Variants in TEC observed in about 807,000 individuals in gnomAD.
TEC encodes tec protein tyrosine kinase, also known as tyrosine-protein kinase Tec.
Under a neutral mutation model 93.0 loss-of-function variants are expected in TEC, and 72 were observed. The ratio of observed to expected loss-of-function variants is 0.77; its 90% confidence interval spans 0.64 to 0.94. TEC has a LOEUF of 0.94. TEC is among the 40% of genes least tolerant of loss of function. The pLI, the probability that TEC is intolerant of heterozygous loss-of-function variation, is 0.00. For synonymous variants in TEC, 249 were observed against 247.7 expected, an observed-to-expected ratio of 1.01 and a Z score of -0.05; for missense variants, 630 against 757.9, an observed-to-expected ratio of 0.83 and a Z score of 1.98.
intron 9 of TEC, among the ~76,000 whole-genome samples, chr4:48,152,142 G>C (rs1048542787): frequency 3.9e-5 from 6 of 152,074 alleles, no homozygotes; most frequent in South Asian, 2.1e-4. Flanking sequence ...AAGTATAACA[G>C]AGGCCGGACA....
At chr4:48,164,959 C>T (rs552181754) in intron 7 of TEC, among the ~76,000 whole-genome samples, 35 of 152,068 alleles carry the variant, frequency 2.3e-4, no homozygotes, top group African/African-American at 7.2e-4. Context: ...GCCGAGATCA[C>T]GCCACTGCAC....
intron 2 of TEC, among the ~76,000 whole-genome samples, chr4:48,227,351 A>G (rs1183934643): frequency 6.6e-6 from 1 of 152,122 alleles, no homozygotes. Context: ...CAGAATGAAA[A>G]CTAAACCAGG....
At chr4:48,155,037 G>A (rs767499459) in intron 9 of TEC, among the ~76,000 whole-genome samples, 2 of 152,178 alleles carry the variant, frequency 1.3e-5, no homozygotes, top group Non-Finnish European at 2.9e-5. Flanking sequence ...ACCCCCTACT[G>A]GGAACCTAAA....
intron 1 of TEC, among the ~76,000 whole-genome samples, chr4:48,258,291 G>A (rs771480847): frequency 6.6e-6 from 1 of 151,790 alleles, no homozygotes; most frequent in Middle Eastern, 3.2e-3. Flanking sequence ...ACAGGCATGC[G>A]CCACCACACC....
intron 1 of TEC, among the ~76,000 whole-genome samples, chr4:48,242,700 T>A (rs1723950451): frequency 6.6e-6 from 1 of 152,224 alleles, no homozygotes; most frequent in South Asian, 2.1e-4. Flanking sequence ...TCTTTTTTTC[T>A]GAGGGGGACC....
At chr4:48,141,649 A>T in intron 14 of TEC, 1 of 434,772 alleles carries the variant, frequency 2.3e-6, no homozygotes, top group Non-Finnish European at 4.0e-6. Flanking sequence ...ATTATTACAT[A>T]ATCTTTACCA....
At position 48,139,016 on chromosome 4, in the gene TEC, A is replaced by C; in HGVS notation, c.1542T>G (p.Val514=). 6.2e-7 allele frequency: 1 copy of C among 1,612,934 alleles called. No homozygotes were observed. Residue 514 remains valine (V), a synonymous_variant, in exon 16 of 18, where the codon GTT becomes GTG. Transcript: ENST00000381501. Reference sequence around the variant, plus strand: ...AAGAACTTGTGTACTGATCATCCAGAACATACCTAGAGTAAGACACACCAT... The same window carrying C: ...AAGAACTTGTGTACTGATCATCCAGCACATACCTAGAGTAAGACACACCAT... ...KVSDFGMARY[V]LDDQYTSSSG...
chr4:48,205,615 T>C (rs562453756), intron 2 of TEC, among the ~76,000 whole-genome samples: 1 of 152,246 alleles, frequency 6.6e-6, no homozygotes, highest in South Asian at 2.1e-4. Flanking sequence ...TCAATGGTAT[T>C]AGCCATAGGG....
intron 14 of TEC, among the ~76,000 whole-genome samples, chr4:48,143,182 C>T (rs1719758278): frequency 6.6e-6 from 1 of 152,180 alleles, no homozygotes; most frequent in Non-Finnish European, 1.5e-5. Context: ...TTCACAACTC[C>T]ACAATGCCTG....
At chr4:48,150,996 C>T in intron 9 of TEC, 54 bp from the exon 10 acceptor site, 1 of 1,138,964 alleles carries the variant, frequency 8.8e-7, no homozygotes. Flanking sequence ...AATAGCATTG[C>T]CATGGAGAAG....
intron 1 of TEC, among the ~76,000 whole-genome samples, chr4:48,235,874 A>C (rs994492150): frequency 1.2e-4 from 18 of 152,224 alleles, no homozygotes; most frequent in African/African-American, 4.3e-4. Flanking sequence ...AGTATGTACT[A>C]GTACTGTCTA....
chr4:48,241,959 G>A (rs1723933072), intron 1 of TEC, among the ~76,000 whole-genome samples: 1 of 152,208 alleles, frequency 6.6e-6, no homozygotes, highest in Admixed American at 6.5e-5. Context: ...GAGGCACTAA[G>A]GTGGTTAACA....
chr4:48,265,095 A>C (rs1209873897), intron 1 of TEC, among the ~76,000 whole-genome samples: 1 of 152,150 alleles, frequency 6.6e-6, no homozygotes, highest in East Asian at 1.9e-4. Flanking sequence ...GGAAGGAAAA[A>C]AAGTTGCTCC....
At chr4:48,180,481 T>C (rs965185477) in intron 2 of TEC, among the ~76,000 whole-genome samples, 1 of 152,154 alleles carries the variant, frequency 6.6e-6, no homozygotes, top group Admixed American at 6.5e-5. Context: ...CAATGTTCTC[T>C]TGTGGTATCC....
chr4:48,153,425 C>G (rs186455837), intron 9 of TEC: 2 of 152,304 alleles, frequency 1.3e-5, no homozygotes, highest in Admixed American at 1.3e-4. Context: ...AGACCTTTAA[C>G]CAACTACTGG....
chr4:48,231,784 A>G (rs1723654838), intron 1 of TEC, among the ~76,000 whole-genome samples: 1 of 152,136 alleles, frequency 6.6e-6, no homozygotes, highest in Non-Finnish European at 1.5e-5. Context: ...AATGGATACC[A>G]GGGAAGAGCA....
intron 2 of TEC, among the ~76,000 whole-genome samples, chr4:48,224,770 C>A (rs1408287069): frequency 6.6e-6 from 1 of 152,122 alleles, no homozygotes; most frequent in Non-Finnish European, 1.5e-5. Context: ...GATTTTTCAG[C>A]ATATTTCAAC....
At chr4:48,167,599 C>T (rs3805179) in intron 7 of TEC, among the ~76,000 whole-genome samples, 179 bp downstream of exon 7, 56,683 of 151,862 alleles carry the variant, frequency 0.37, 11,600 homozygotes, top group East Asian at 0.9. Flanking sequence ...TTGATCAATT[C>T]GCATTTACTG....
intron 9 of TEC, among the ~76,000 whole-genome samples, chr4:48,153,061 C>A (rs1272629526): frequency 1.3e-5 from 2 of 152,030 alleles, no homozygotes; most frequent in Non-Finnish European, 2.9e-5. Context: ...CAGAGTAGTT[C>A]CCTCTATACA....
Sources: allele counts gnomAD v4.1 joint callset (sites outside exome capture counted in the v4.1 genomes callset), GRCh38; gene constraint gnomAD v4.1.1; transcripts MANE v1.5; gene names NCBI Gene and HGNC (gene_info 2026-07-23, HGNC 2026-07-21).